The following ADORA2B variants were observed in gnomAD, a reference collection of about 807,000 sequenced individuals.
ADORA2B encodes the protein adenosine A2b receptor.
Under a neutral mutation model 20.8 loss-of-function variants are expected in ADORA2B, and 18 were observed. That is an observed-to-expected ratio of 0.87 (90% CI 0.60 to 1.29). ADORA2B has a LOEUF of 1.29. Ranked by LOEUF, ADORA2B falls within the 50% of genes most tolerant of loss-of-function variation. The pLI is 0.00. For synonymous variants in ADORA2B, 179 were observed against 178.3 expected, an observed-to-expected ratio of 1.00 and a Z score of -0.03; for missense variants, 441 against 422.7, an observed-to-expected ratio of 1.04 and a Z score of -0.38.
At chr17:15,974,411 G>A in intron 1 of ADORA2B, 1 of 409,024 alleles carries the variant, frequency 2.4e-6, no homozygotes, top group Non-Finnish European at 4.4e-6. Flanking sequence ...CTCCCTTAAG[G>A]CTTCCCCACC....
chr17:15,893,885 G>A, the ADORA2B span, among the ~76,000 whole-genome samples: 1 of 152,340 alleles, frequency 6.6e-6, no homozygotes, highest in South Asian at 2.1e-4. Flanking sequence ...AATAGGATCA[G>A]GGGTCAGTTG....
the ADORA2B span, among the ~76,000 whole-genome samples, chr17:15,854,104 C>T: frequency 0.02 from 2,998 of 152,252 alleles, 78 homozygotes; most frequent in Admixed American, 0.046. Flanking sequence ...TACAGCCATG[C>T]ACCACCACGC....
chr17:15,971,178 A>G (rs1485215114), intron 1 of ADORA2B, among the ~76,000 whole-genome samples: 1 of 152,264 alleles, frequency 6.6e-6, no homozygotes, highest in Non-Finnish European at 1.5e-5. Flanking sequence ...AGGCTGCTGC[A>G]TGGGCTGCCT....
At chr17:15,874,425 C>T in the ADORA2B span, among the ~76,000 whole-genome samples, 20 of 151,656 alleles carry the variant, frequency 1.3e-4, no homozygotes, top group African/African-American at 4.8e-4. Flanking sequence ...CAGTGGCTCA[C>T]CCCTGTAATC....
chr17:15,975,470 T>C lies in ADORA2B; in HGVS notation c.*128T>C. The C allele has an allele frequency of 1.1e-6, 1 of 905,000 alleles. No individual in the cohort carries two copies. The highest frequency in any genetic ancestry group is 1.7e-6 in the Non-Finnish European group (1 of 600,848). 56.1% of individuals were successfully genotyped at this position (905,000 alleles called of 1,614,324 possible). On this transcript the variant is annotated 3_prime_UTR_variant, in exon 2 of 2. Transcript: ENST00000304222. The stretch of plus-strand genomic sequence containing the variant: ...GGACTGCCTCTCTTGAGCACTTCCC[T>C]GGAGCTACCACGTATCTAGCTAATA...
chr17:15,862,454 G>T, the ADORA2B span, among the ~76,000 whole-genome samples: 1 of 151,824 alleles, frequency 6.6e-6, no homozygotes. Context: ...CTCCTGATCT[G>T]CCCACTTCAG....
At chr17:15,916,560 G>A in the ADORA2B span, among the ~76,000 whole-genome samples, 3 of 152,122 alleles carry the variant, frequency 2.0e-5, no homozygotes, top group Non-Finnish European at 4.4e-5. Context: ...AAGCTCCTGC[G>A]TCGGTAATTA....
At chr17:15,955,569 G>T (rs1969956306) in intron 1 of ADORA2B, among the ~76,000 whole-genome samples, 1 of 151,776 alleles carries the variant, frequency 6.6e-6, no homozygotes, top group Non-Finnish European at 1.5e-5. Flanking sequence ...ACCAAGTCCG[G>T]CTGTATTTTG....
the ADORA2B span, among the ~76,000 whole-genome samples, chr17:15,894,311 A>G: frequency 6.6e-6 from 1 of 152,200 alleles, no homozygotes; most frequent in Admixed American, 6.5e-5. Context: ...CCAGAGAGAA[A>G]CTCAGTGCTG....
chr17:15,909,280 A>AC, the ADORA2B span, among the ~76,000 whole-genome samples: 4 of 152,268 alleles, frequency 2.6e-5, no homozygotes, highest in South Asian at 4.2e-4. Context: ...CACACAAAAA[A>AC]ACACACACAG....
chr17:15,855,073 G>A, the ADORA2B span, among the ~76,000 whole-genome samples: 31,557 of 151,356 alleles, frequency 0.21, 3,809 homozygotes, highest in Non-Finnish European at 0.28. Context: ...GGGATTACAG[G>A]TCTGCACCAC....
chr17:15,906,140 A>G, the ADORA2B span, among the ~76,000 whole-genome samples: 1 of 152,228 alleles, frequency 6.6e-6, no homozygotes, highest in Non-Finnish European at 1.5e-5. Flanking sequence ...AACTTCCAGT[A>G]CAATGTTAAA....
chr17:15,858,157 T>C, the ADORA2B span, among the ~76,000 whole-genome samples: 21 of 152,286 alleles, frequency 1.4e-4, no homozygotes, highest in Middle Eastern at 3.4e-3. Flanking sequence ...GGTAGTTCTA[T>C]TGTTATGTTT....
rs749875147 is a variant in ADORA2B, at chr17:15,945,264, C to G, written c.16C>G (p.Gln6Glu). 1 of 1,492,364 alleles carries G rather than the reference C, an allele frequency of 6.7e-7. No individual in the cohort carries two copies. Among genetic ancestry groups the G allele is most frequent in the African/African-American group, 1.4e-5 (1 of 72,120 alleles). 92.4% of individuals were successfully genotyped at this position (1,492,364 alleles called of 1,614,324 possible). A position where few individuals can be genotyped will look rare whatever the true frequency, so the allele number is the denominator to read the frequency against. ...TGGCCCGGCCATGCTGCTGGAGACACAGGACGCGCTGTACGTGGCGCTGGA... is the reference window on the plus strand; with the variant it reads ...TGGCCCGGCCATGCTGCTGGAGACAGAGGACGCGCTGTACGTGGCGCTGGA... The part of the protein sequence containing the change: MLLET[Q>E]DALYVALELV... Residue 6 changes from glutamine (Q) to glutamate (E), a missense_variant, in exon 1 of 2, where the codon CAG (glutamine) becomes GAG (glutamate). Physicochemically the swap from Gln to Glu is conservative, Grantham distance 29. Coordinates refer to ENST00000304222, the MANE Select transcript of ADORA2B (RefSeq NM_000676.4).
chr17:15,869,775 A>G, the ADORA2B span, among the ~76,000 whole-genome samples: 2 of 152,214 alleles, frequency 1.3e-5, no homozygotes, highest in East Asian at 1.9e-4. Context: ...ATACACACAT[A>G]AAAGAGTGAT....
intron 1 of ADORA2B, among the ~76,000 whole-genome samples, chr17:15,959,562 G>A (rs556704481): frequency 5.5e-5 from 8 of 145,918 alleles, no homozygotes; most frequent in South Asian, 2.2e-4. Context: ...GTGCAATGGC[G>A]CGATCTGAGC....
At chr17:15,924,168 C>T in the ADORA2B span, among the ~76,000 whole-genome samples, 2 of 152,216 alleles carry the variant, frequency 1.3e-5, no homozygotes, top group South Asian at 2.1e-4. Context: ...CCGCCTTGGC[C>T]TCCCAAAGTG....
At chr17:15,970,315 A>G (rs1798348719) in intron 1 of ADORA2B, among the ~76,000 whole-genome samples, 1 of 152,178 alleles carries the variant, frequency 6.6e-6, no homozygotes, top group South Asian at 2.1e-4. Flanking sequence ...CACTGATTTA[A>G]TTAGCTGCTT....
At chr17:15,865,866 A>T in the ADORA2B span, among the ~76,000 whole-genome samples, 1 of 149,994 alleles carries the variant, frequency 6.7e-6, no homozygotes. Context: ...CGGAAAGTTT[A>T]ATAGGCAAGA....
Sources: allele counts gnomAD v4.1 joint callset (sites outside exome capture counted in the v4.1 genomes callset), GRCh38; gene constraint gnomAD v4.1.1; transcripts MANE v1.5; gene names NCBI Gene and HGNC (gene_info 2026-07-23, HGNC 2026-07-21).